The following PHF12 variants were observed in gnomAD, a reference collection of about 807,000 sequenced individuals.
PHF12 encodes PHD finger protein 12.
In PHF12, 6 loss-of-function variants were observed where a neutral mutation model predicts 99.8. The ratio of observed to expected loss-of-function variants is 0.06; its 90% CI spans 0.03 to 0.12. The LOEUF is 0.12. Among genes scored for constraint, PHF12 ranks in the 10% least tolerant of loss-of-function variants. PHF12 has a pLI of 1.00. For missense variants in PHF12, 954 were observed against 1,300.1 expected (o/e 0.73, Z 4.09); for synonymous variants, 480 against 514.9 (o/e 0.93, Z 0.92).
At chr17:28,914,438 C>T (rs145076702) in intron 7 of PHF12, among the ~76,000 whole-genome samples, 2,465 of 151,812 alleles carry the variant, frequency 0.016, 59 homozygotes, top group African/African-American at 0.056. Flanking sequence ...TTTGGGAGGC[C>T]GAGGCGGGAG....
chr17:28,919,462 A>C (rs2040120697), intron 5 of PHF12, among the ~76,000 whole-genome samples, 187 bp from the exon 6 acceptor site: 1 of 152,182 alleles, frequency 6.6e-6, no homozygotes, highest in African/African-American at 2.4e-5. Flanking sequence ...GGCTGGTGCG[A>C]TGGCTCACGC....
In PHF12 at chr17:28,950,808, C is replaced by A. The variant is rs1347815914; in HGVS notation, c.66+87G>T. On this transcript the variant is annotated intron_variant, in intron 1 of 14. Coordinates refer to ENST00000332830, the MANE Select transcript of PHF12 (RefSeq NM_001033561.2). This position sits in a 1 kb window ranked among gnomAD's most constrained non-coding sequence, Gnocchi z 5.7. ...TCCCCCTCCCTCGGCCATCTAGGCG[C>A]TTCGAGTTTAGGACTGGCTTTGTGG... The A allele has an allele frequency of 1.5e-5, 23 of 1,550,552 alleles. 1 individual carries two copies. In the South Asian group the frequency reaches 1.9e-4, roughly 13 times the overall value.
intron 2 of PHF12, among the ~76,000 whole-genome samples, chr17:28,932,299 A>T (rs1173798795): frequency 1.3e-5 from 2 of 151,980 alleles, no homozygotes; most frequent in African/African-American, 4.8e-5. Context: ...GCTGGGCTAA[A>T]TTTTATATTT....
intron 12 of PHF12, chr17:28,908,526 C>G: frequency 2.1e-6 from 1 of 480,614 alleles, no homozygotes; most frequent in Non-Finnish European, 3.8e-6. Context: ...CACCATGTTG[C>G]CCAGGCTGGT....
At chr17:28,922,648 A>G (rs1315286239) in intron 4 of PHF12, among the ~76,000 whole-genome samples, 1 of 152,222 alleles carries the variant, frequency 6.6e-6, no homozygotes, top group Non-Finnish European at 1.5e-5. Context: ...TTACAAAGTT[A>G]TTCTCTGAAG....
At chr17:28,919,849 G>T (rs541936133) in intron 5 of PHF12, among the ~76,000 whole-genome samples, 1 of 152,202 alleles carries the variant, frequency 6.6e-6, no homozygotes, top group Admixed American at 6.5e-5. Context: ...ATGTCTTGCG[G>T]GAAAGTGAAT....
rs114343238 is a variant in PHF12 at position 28,915,721 on chromosome 17, A to G, written c.1134+1564T>C. On this transcript the variant is annotated intron_variant, in intron 7 of 14. Transcript: ENST00000332830. ...AAAGTTCTCAGCAGATTTTTCCTGAATTGCTAGAATCAAGTGTAAAGGCTA... is the reference window on the plus strand; with the variant it reads ...AAAGTTCTCAGCAGATTTTTCCTGAGTTGCTAGAATCAAGTGTAAAGGCTA... Among the ~76,000 whole-genome samples the G allele has an allele frequency of 6.8e-3, 1,030 of 152,330 alleles. 9 individuals are homozygous for G. Among genetic ancestry groups the G allele is most frequent in the African/African-American group, 0.024 (980 of 41,580 alleles).
chr17:28,910,816 C>T, intron 10 of PHF12: 1 of 402,350 alleles, frequency 2.5e-6, no homozygotes, highest in Non-Finnish European at 4.5e-6. Flanking sequence ...TTTTATTCTG[C>T]AAATCCAGGT....
At chr17:28,926,668 G>T in intron 3 of PHF12, 1 of 779,880 alleles carries the variant, frequency 1.3e-6, no homozygotes. Flanking sequence ...CATCAAGCTG[G>T]AGAAGCAGCC....
chr17:28,940,047 G>T (rs1310479908), intron 2 of PHF12, among the ~76,000 whole-genome samples: 1 of 152,232 alleles, frequency 6.6e-6, no homozygotes. Context: ...TCAAGGCTGA[G>T]AAACATTTCT....
rs2039911576 is a variant in PHF12 at position 28,908,765 on chromosome 17, G to C, written c.2458+18C>G. The C allele has an allele frequency of 6.2e-7, 1 of 1,611,246 alleles. No homozygotes were observed. The highest frequency in any genetic ancestry group is 1.3e-5 in the African/African-American group (1 of 74,870). ...CTGAACAGATTCAGTGTCTCTCCCA[G>C]CTTCCTGGCTGGCTCACCTGTCCCG... On this transcript the variant is annotated intron_variant, in intron 12 of 14. Coordinates refer to ENST00000332830, the MANE Select transcript of PHF12 (RefSeq NM_001033561.2).
At chr17:28,922,118 AATGTCCAAGCC>A (rs147286037) in intron 4 of PHF12, among the ~76,000 whole-genome samples, 5,207 of 152,288 alleles carry the variant, frequency 0.034, 142 homozygotes, top group East Asian at 0.14. Flanking sequence ...AAGAAATGTA[AATGTCCAAGCC>A]ACATAGTCAA....
chr17:28,939,990 C>T (rs932019242), intron 2 of PHF12, among the ~76,000 whole-genome samples: 1 of 152,210 alleles, frequency 6.6e-6, no homozygotes, highest in African/African-American at 2.4e-5. Context: ...CATTCAGGCA[C>T]GGAGTTGCTC....
intron 13 of PHF12, chr17:28,907,256 G>C (rs1409428503): frequency 1.9e-6 from 1 of 525,202 alleles, no homozygotes; most frequent in Non-Finnish European, 3.4e-6. Flanking sequence ...ATACTCACTG[G>C]CCCGTGATGA....
intron 10 of PHF12, 148 bp downstream of exon 10, chr17:28,910,964 T>G: frequency 8.5e-5 from 80 of 939,106 alleles, no homozygotes; most frequent in Middle Eastern, 3.3e-4. Context: ...CGCCCCCCCA[T>G]CCAAAAGGAT....
In PHF12 at chr17:28,906,548, G is replaced by C. The variant is rs933909483; in HGVS notation, c.2681-31C>G. The C allele has an allele frequency of 4.5e-6, 7 of 1,565,946 alleles. No homozygotes were observed. The African/African-American group carries it at 9.5e-5, about 21-fold the overall frequency. On this transcript the variant is annotated intron_variant, in intron 14 of 14. Coordinates refer to ENST00000332830, the MANE Select transcript of PHF12 (RefSeq NM_001033561.2). The surrounding 1 kb of genome is among the most constrained non-coding windows in gnomAD (Gnocchi z 4.2). The stretch of plus-strand genomic sequence containing the variant: ...AAAAAGGGGGATGGTCACAGAAGAG[G>C]AACAGTGAGCAGCCAACCCATGTGG...
chr17:28,933,081 G>T (rs1276262144), intron 2 of PHF12, among the ~76,000 whole-genome samples: 1 of 152,086 alleles, frequency 6.6e-6, no homozygotes, highest in Non-Finnish European at 1.5e-5. Flanking sequence ...CTCTGCCCTC[G>T]CTCCCTCTCA....
chr17:28,910,459 T>C, intron 10 of PHF12, 90 bp from the exon 11 acceptor site: 1 of 1,445,242 alleles, frequency 6.9e-7, no homozygotes, highest in Non-Finnish European at 9.4e-7. Flanking sequence ...TAGTTTGGCA[T>C]TTCTAAAATC....
intron 2 of PHF12, among the ~76,000 whole-genome samples, chr17:28,936,172 C>G (rs1440300300): frequency 6.6e-6 from 1 of 152,172 alleles, no homozygotes; most frequent in Non-Finnish European, 1.5e-5. Flanking sequence ...TCACTCATCT[C>G]CCTCGCCTAT....
Sources: allele counts gnomAD v4.1 joint callset (sites outside exome capture counted in the v4.1 genomes callset), GRCh38; gene constraint gnomAD v4.1.1; non-coding constraint Gnocchi (gnomAD v3.1); transcripts MANE v1.5; gene names NCBI Gene and HGNC (gene_info 2026-07-23, HGNC 2026-07-21).